CYB5RL: variants seen among roughly 807,000 people sequenced by gnomAD.
CYB5RL encodes the protein cytochrome b5 reductase like, also known as NADH-cytochrome b5 reductase-like.
A neutral mutation model predicts 37.5 loss-of-function variants in CYB5RL; 38 were observed. That is an observed-to-expected ratio of 1.01 (90% confidence interval 0.78 to 1.33). CYB5RL has a LOEUF of 1.33. CYB5RL is among the 40% of genes most tolerant of loss of function. The pLI, the probability that CYB5RL is intolerant of heterozygous loss-of-function variation, is 0.00. For missense variants in CYB5RL, 388 were observed against 394.4 expected, an observed-to-expected ratio of 0.98 and a Z score of 0.14; for synonymous variants, 141 against 151.9, an observed-to-expected ratio of 0.93 and a Z score of 0.53.
chr1:54,186,764 G>A (rs1024112557), intron 5 of CYB5RL, among the ~76,000 whole-genome samples: 7 of 151,962 alleles, frequency 4.6e-5, no homozygotes, highest in African/African-American at 2.4e-5. Context: ...CAGACGGCAG[G>A]TAGGAAGGCG....
At chr1:54,197,568 G>A (rs953713908) in intron 1 of CYB5RL, among the ~76,000 whole-genome samples, 1 of 152,100 alleles carries the variant, frequency 6.6e-6, no homozygotes, top group African/African-American at 2.4e-5. Flanking sequence ...ACAATGGCTG[G>A]CTTGCTGATG....
Position 54,184,282 on chromosome 1 carries a change from G to C in CYB5RL, c.436-17C>G. 1.2e-6 allele frequency: 2 copies of C among 1,608,530 alleles called. No homozygotes were observed. The highest frequency in any genetic ancestry group is 1.7e-6 in the Non-Finnish European group (2 of 1,176,342). On this transcript the variant is annotated splice_polypyrimidine_tract_variant and intron_variant, in intron 5 of 7. Coordinates refer to ENST00000534324, the MANE Select transcript of CYB5RL (RefSeq NM_001031672.4). ...CTGGTAGCACTGGAAGCAAACACAG[G>C]GAGACGTCAGCGGGACAGGTACATG...
Position 54,172,599 on chromosome 1 carries a change from T to G in CYB5RL, c.*2020A>C, listed in dbSNP as rs1013524028. 1 of 152,318 alleles carries G rather than the reference T, an allele frequency of 6.6e-6. No individual in the cohort carries two copies. The highest frequency in any genetic ancestry group is 1.5e-5 in the Non-Finnish European group (1 of 68,124). 9.4% of individuals were successfully genotyped at this position (152,318 alleles called of 1,614,324 possible). A position where few individuals can be genotyped will look rare whatever the true frequency, so the allele number is the denominator to read the frequency against. On this transcript the variant is annotated 3_prime_UTR_variant, in exon 8 of 8. Coordinates refer to ENST00000534324, the MANE Select transcript of CYB5RL (RefSeq NM_001031672.4). ...CAACCACTCTCCCAGCACCCTGCAC[T>G]TACCTTTTCATGACACCCATCACTT...
At chr1:54,180,133 A>G in intron 6 of CYB5RL, 1 of 418,450 alleles carries the variant, frequency 2.4e-6, no homozygotes, top group Non-Finnish European at 4.7e-6. Context: ...GCTACTTGGG[A>G]GGCTGAGGCA....
At chr1:54,198,027 C>CAAAAAAAAAAAAAAAA (rs575486117) in intron 1 of CYB5RL, among the ~76,000 whole-genome samples, 8 of 78,534 alleles carry the variant, frequency 1.0e-4, no homozygotes, top group Admixed American at 5.9e-4. Context: ...GACTCTGTCT[C>CAAAAAAAAAAAAAAAA]AAAAAAAAAA....
rs1043345330 is a variant in CYB5RL at position 54,173,326 on chromosome 1, G to T, written c.*1293C>A. The T allele has an allele frequency of 5.9e-5, 9 of 152,176 alleles. No homozygotes were observed. Among genetic ancestry groups the T allele is most frequent in the African/African-American group, 2.2e-4 (9 of 41,446 alleles). 9.4% of individuals were successfully genotyped at this position (152,176 alleles called of 1,614,324 possible). A position where few individuals can be genotyped will look rare whatever the true frequency, so the allele number is the denominator to read the frequency against. On this transcript the variant is annotated 3_prime_UTR_variant, in exon 8 of 8. Coordinates refer to ENST00000534324, the MANE Select transcript of CYB5RL (RefSeq NM_001031672.4). The stretch of plus-strand genomic sequence containing the variant: ...AAAATGCAGCTGCTCTGGTTGAAGG[G>T]GGTACTGGGGATCCATCTGGAGCTG...
intron 1 of CYB5RL, among the ~76,000 whole-genome samples, chr1:54,198,628 G>GC: frequency 9.2e-6 from 1 of 108,844 alleles, no homozygotes; most frequent in East Asian, 2.9e-4. Flanking sequence ...ACCATGCCCG[G>GC]CCTTTTTTTT....
chr1:54,170,470 A>G lies in CYB5RL; in HGVS notation c.*4149T>C, dbSNP rs1313407831. The G allele has an allele frequency of 1.3e-5, 2 of 152,366 alleles. No individual in the cohort carries two copies. Among genetic ancestry groups the G allele is most frequent in the African/African-American group, 4.8e-5 (2 of 41,276 alleles). The allele number at this position is 152,366 out of a possible 1,614,324, so 9.4% of individuals were successfully genotyped here. ...CGCTCTGTCGCCCAGGCTGGAGCGC[A>G]GTGGCACAATCTTGGCTCCCTGCAA... is the stretch of plus-strand genomic sequence containing the variant. On this transcript the variant is annotated 3_prime_UTR_variant, in exon 8 of 8. Transcript: ENST00000534324.
In CYB5RL at chr1:54,170,755, C is replaced by A. The variant is rs958089664; in HGVS notation, c.*3864G>T. 1 of 259,282 alleles carries A rather than the reference C, an allele frequency of 3.9e-6. No individual in the cohort carries two copies. The highest frequency in any genetic ancestry group is 8.6e-5 in the East Asian group (1 of 11,610). The allele number at this position is 259,282 out of a possible 1,614,324, so 16.1% of individuals were successfully genotyped here. A position where few individuals can be genotyped will look rare whatever the true frequency, so the allele number is the denominator to read the frequency against. On this transcript the variant is annotated 3_prime_UTR_variant, in exon 8 of 8. Transcript: ENST00000534324. ...CATCTCTGGTTGCACTCATGTGTCACACACAACCTTTACCACAATCACATG... is the reference window on the plus strand; with the variant it reads ...CATCTCTGGTTGCACTCATGTGTCAAACACAACCTTTACCACAATCACATG...
rs923042731 is a variant in CYB5RL at position 54,195,611 on chromosome 1, C to T, written c.6G>A (p.Met2Ile). The change falls in exon 3 of 8, where the codon ATG becomes ATA. Residue 2 changes from methionine (M) to isoleucine (I), a missense_variant. Met to Ile is a conservative substitution (Grantham distance 10). Transcript: ENST00000534324. M[M>I]AEREEDDDTE... Reference sequence around the variant, plus strand: ...TGTCGTCGTCCTCTTCCCTCTCAGCCATCATCAGTGGGGCTTGGGCAGCCT... The same window carrying T: ...TGTCGTCGTCCTCTTCCCTCTCAGCTATCATCAGTGGGGCTTGGGCAGCCT... 1.4e-5 allele frequency: 23 copies of T among 1,608,362 alleles called. No individual in the cohort carries two copies. Among genetic ancestry groups the T allele is most frequent in the Non-Finnish European group, 8.5e-6 (10 of 1,176,374 alleles).
chr1:54,192,216 G>C (rs1454176280), intron 3 of CYB5RL, among the ~76,000 whole-genome samples: 2 of 135,324 alleles, frequency 1.5e-5, no homozygotes, highest in Non-Finnish European at 3.1e-5. Flanking sequence ...ATAGAGTCTC[G>C]CTCTGTTGCC....
intron 1 of CYB5RL, 48 bp downstream of exon 1, chr1:54,199,928 C>T: frequency 2.7e-6 from 1 of 371,562 alleles, no homozygotes; most frequent in Non-Finnish European, 4.9e-6. Context: ...TTGTCTAAGT[C>T]CAGGTCTGAA....
rs1007765345 is a variant in CYB5RL at position 54,170,574 on chromosome 1, G to C, written c.*4045C>G. On this transcript the variant is annotated 3_prime_UTR_variant, in exon 8 of 8. Transcript: ENST00000534324. ...GGACTATAGGCGCATGCCACGCCTG[G>C]CTAATTTTTTGTATTTTTAGTACAG... 6.4e-6 allele frequency: 1 copy of C among 157,450 alleles called. No homozygotes were observed. Among genetic ancestry groups the C allele is most frequent in the African/African-American group, 2.4e-5 (1 of 41,418 alleles). The allele number at this position is 157,450 out of a possible 1,614,324, so 9.8% of individuals were successfully genotyped here. A position where few individuals can be genotyped will look rare whatever the true frequency, so the allele number is the denominator to read the frequency against.
chr1:54,198,277 T>C lies in CYB5RL; in HGVS notation c.-223+1699A>G, dbSNP rs796470027. On this transcript the variant is annotated intron_variant, in intron 1 of 7. Transcript: ENST00000534324. ...TTTATTGCATGCTATGGACCAGGTA[T>C]GCATTATGAGTGAATGAGGTCTGGT... Among the ~76,000 whole-genome samples, 5 of 152,058 alleles carry C rather than the reference T, an allele frequency of 3.3e-5. No homozygotes were observed. In the South Asian group the frequency reaches 1.0e-3, roughly 32 times the overall value.
At chr1:54,178,141 G>A (rs1660067936) in intron 7 of CYB5RL, among the ~76,000 whole-genome samples, 1 of 152,198 alleles carries the variant, frequency 6.6e-6, no homozygotes, top group Non-Finnish European at 1.5e-5. Flanking sequence ...CTGCCCCATG[G>A]ACAGGCCTGC....
At position 54,184,257 on chromosome 1, in the gene CYB5RL, C is replaced by G. The variant is rs199709456; in HGVS notation, c.444G>C (p.Gln148His). The G allele has an allele frequency of 8.8e-5, 142 of 1,613,204 alleles. No homozygotes were observed. The highest frequency in any genetic ancestry group is 1.1e-4 in the Non-Finnish European group (135 of 1,179,604). Residue 148 changes from glutamine to histidine, a missense_variant, in exon 6 of 8, where the codon CAG (glutamine) becomes CAC (histidine). By Grantham distance (24) the Gln-to-His change is conservative. Coordinates refer to ENST00000534324, the MANE Select transcript of CYB5RL (RefSeq NM_001031672.4). ...GYFEVLIKCY[Q>H]MGLMSRYVES... ...CAACATACCGGGACATCAGCCCCAT[C>G]TGGTAGCACTGGAAGCAAACACAGG... is the stretch of plus-strand genomic sequence containing the variant.
At chr1:54,197,080 G>C (rs1557727247) in intron 1 of CYB5RL, among the ~76,000 whole-genome samples, 2 of 152,172 alleles carry the variant, frequency 1.3e-5, no homozygotes, top group African/African-American at 4.8e-5. Flanking sequence ...GAAAGAAGAA[G>C]AGAGTTTGGT....
At position 54,179,351 on chromosome 1, in the gene CYB5RL, T is replaced by C. The variant is rs771760758; in HGVS notation, c.542A>G (p.Tyr181Cys). The change falls in exon 7 of 8, where the codon TAT becomes TGT. Residue 181 changes from tyrosine (Y) to cysteine (C), a missense_variant and splice_region_variant. By Grantham distance (194) the Tyr-to-Cys change is radical. Coordinates refer to ENST00000534324, the MANE Select transcript of CYB5RL (RefSeq NM_001031672.4). ...CGCAGCCAGCAAGAGGAGCTCACCA[T>C]ACTGGGGAACAGAAGGGGTATGTAT... ...FGDFFYKPNQ[Y>C]GELLLLAAGT... is the part of the protein sequence containing the mutation. 6.8e-6 allele frequency: 11 copies of C among 1,611,946 alleles called. No homozygotes were observed. Among genetic ancestry groups the C allele is most frequent in the South Asian group, 1.1e-5 (1 of 90,778 alleles).
intron 1 of CYB5RL, among the ~76,000 whole-genome samples, chr1:54,197,990 T>C (rs1381210725): frequency 7.6e-6 from 1 of 131,132 alleles, no homozygotes; most frequent in Admixed American, 9.3e-5. Flanking sequence ...ATTGCGCCAC[T>C]GCACTCCAGC....
Sources: gnomAD v4.1 joint callset for allele counts (sites outside exome capture counted in the v4.1 genomes callset) on GRCh38, gnomAD v4.1.1 for gene constraint, MANE v1.5 for transcripts, NCBI Gene and HGNC (gene_info 2026-07-23, HGNC 2026-07-21) for gene names.